The following CEP72 variants were observed in gnomAD, a reference collection of about 807,000 sequenced individuals.
The protein encoded by CEP72 is centrosomal protein 72.
In CEP72, 78 loss-of-function variants were observed where a neutral mutation model predicts 65.7. The ratio of observed to expected loss-of-function variants is 1.19; its 90% CI spans 0.99 to 1.43. CEP72 has a LOEUF of 1.43. Among genes scored for constraint, CEP72 ranks in the 40% most tolerant of loss-of-function variants. The pLI is 0.00. For missense variants in CEP72, 914 were observed against 832.9 expected (o/e 1.10, Z -1.20); for synonymous variants, 358 against 351.7 (o/e 1.02, Z -0.20).
At chr5:612,837 G>A (rs1415865917) in intron 1 of CEP72, among the ~76,000 whole-genome samples, 3 of 152,258 alleles carry the variant, frequency 2.0e-5, no homozygotes, top group Admixed American at 6.5e-5. Context: ...TCTTGAGGAT[G>A]TTGGTGGCCG....
Position 644,315 on chromosome 5 carries a change from A to G in CEP72, c.1556A>G (p.His519Arg), listed in dbSNP as rs148383425. 3.1e-4 allele frequency: 501 copies of G among 1,613,772 alleles called. 2 individuals are homozygous for G. In the African/African-American group the frequency reaches 6.1e-3, roughly 20 times the overall value. The change falls in exon 10 of 12, where the codon CAT becomes CGT. Residue 519 changes from histidine (H) to arginine (R), a missense_variant. Coordinates refer to ENST00000264935, the MANE Select transcript of CEP72 (RefSeq NM_018140.4). Reference sequence around the variant, plus strand: ...TGTCCGCAGGATGATTTGAGACAACATTTAGATAAATCTTTGGAAGAGAAC... The same window carrying G: ...TGTCCGCAGGATGATTTGAGACAACGTTTAGATAAATCTTTGGAAGAGAAC... ...THKELDDLRQ[H>R]LDKSLEENSR...
the CEP72 span, among the ~76,000 whole-genome samples, chr5:673,045 A>G: frequency 2.0e-5 from 3 of 152,188 alleles, no homozygotes; most frequent in Non-Finnish European, 4.4e-5. Flanking sequence ...TGTCAGAGTC[A>G]GCAGCTTTCT....
chr5:619,929 T>G, intron 2 of CEP72, 140 bp from the exon 3 acceptor site: 1 of 701,498 alleles, frequency 1.4e-6, no homozygotes, highest in Non-Finnish European at 2.3e-6. Context: ...ACGTTTCATT[T>G]TTCTACTTTT....
At chr5:613,224 C>G (rs1002296732) in intron 1 of CEP72, among the ~76,000 whole-genome samples, 11 of 152,186 alleles carry the variant, frequency 7.2e-5, no homozygotes, top group East Asian at 1.9e-4. Context: ...GCAGGTGTTA[C>G]TGGACCAACA....
At chr5:668,954 C>T (rs770677678), downstream of CEP72, among the ~76,000 whole-genome samples, 27 of 152,208 alleles carry the variant, frequency 1.8e-4, no homozygotes, top group African/African-American at 6.5e-4. Flanking sequence ...AAGGCGGATG[C>T]TGTGTTTAAA....
Position 613,082 on chromosome 5 carries a change from A to G in CEP72, c.82+639A>G, listed in dbSNP as rs142522635. ...ATCTCTGGTTGTTAGAGAACCGTTCATATTAGTTCACCGCGAGTCTTGGCT... is the reference window on the plus strand; with the variant it reads ...ATCTCTGGTTGTTAGAGAACCGTTCGTATTAGTTCACCGCGAGTCTTGGCT... On this transcript the variant is annotated intron_variant, in intron 1 of 11. Transcript: ENST00000264935. Among the ~76,000 whole-genome samples the G allele has an allele frequency of 2.7e-3, 413 of 152,352 alleles. 2 individuals carry two copies. Among genetic ancestry groups the G allele is most frequent in the African/African-American group, 9.6e-3 (397 of 41,570 alleles).
intron 4 of CEP72, among the ~76,000 whole-genome samples, chr5:629,487 G>C (rs1737067686): frequency 1.5e-5 from 2 of 133,944 alleles, no homozygotes; most frequent in Admixed American, 7.4e-5. Flanking sequence ...GTTCTGTCCA[G>C]TGCCGGGATT....
At chr5:642,682 C>T (rs1454610253) in intron 9 of CEP72, 19 of 985,324 alleles carry the variant, frequency 1.9e-5, no homozygotes, top group Non-Finnish European at 2.0e-5. Flanking sequence ...CTGGACAGAG[C>T]AGCCCTGGTT....
At chr5:648,784 T>G (rs1738643622) in intron 11 of CEP72, among the ~76,000 whole-genome samples, 1 of 116,362 alleles carries the variant, frequency 8.6e-6, no homozygotes, top group Non-Finnish European at 1.7e-5. Flanking sequence ...GGTGTGACTG[T>G]GAGGTGTGAC....
chr5:617,743 T>A (rs2126730560), intron 1 of CEP72, among the ~76,000 whole-genome samples: 1 of 152,254 alleles, frequency 6.6e-6, no homozygotes, highest in East Asian at 1.9e-4. Flanking sequence ...CGTGTCCCTG[T>A]AATCCCAGCT....
chr5:632,859 C>T (rs377752767), intron 4 of CEP72, among the ~76,000 whole-genome samples: 1 of 86,954 alleles, frequency 1.2e-5, no homozygotes, highest in Non-Finnish European at 2.2e-5. Flanking sequence ...TTGGACCAGT[C>T]CTGGTGGGGT....
chr5:650,200 G>A (rs1385229280), intron 11 of CEP72, among the ~76,000 whole-genome samples: 2 of 131,480 alleles, frequency 1.5e-5, no homozygotes, highest in Non-Finnish European at 3.3e-5. Flanking sequence ...ACTGTGAGGC[G>A]TGGACTGTGA....
At chr5:671,888 TC>T (rs953248462), downstream of CEP72, among the ~76,000 whole-genome samples, 3 of 152,038 alleles carry the variant, frequency 2.0e-5, no homozygotes, top group African/African-American at 4.8e-5. Context: ...AGCCCACCCT[TC>T]CCCCGGGCTG....
At chr5:633,284 A>C (rs1737336153) in intron 4 of CEP72, among the ~76,000 whole-genome samples, 1 of 105,036 alleles carries the variant, frequency 9.5e-6, no homozygotes, top group African/African-American at 4.0e-5. Context: ...GATTTAGACC[A>C]GTCCTGGTGG....
At position 641,682 on chromosome 5, in the gene CEP72, G is replaced by A. The variant is rs1279637501; in HGVS notation, c.1539+1078G>A. Reference sequence around the variant, plus strand: ...TGGAAGCCTCTGTATTTAAACACACGTGGGTCCCCATCCCCCGTCCAGAAG... The same window carrying A: ...TGGAAGCCTCTGTATTTAAACACACATGGGTCCCCATCCCCCGTCCAGAAG... On this transcript the variant is annotated intron_variant, in intron 9 of 11. Coordinates refer to ENST00000264935, the MANE Select transcript of CEP72 (RefSeq NM_018140.4). 5.1e-6 allele frequency: 5 copies of A among 984,024 alleles called. No individual in the cohort carries two copies. In the African/African-American group the frequency reaches 7.0e-5, roughly 14 times the overall value. The allele number at this position is 984,024 out of a possible 1,614,324, so 61.0% of individuals were successfully genotyped here. A position where few individuals can be genotyped will look rare whatever the true frequency, so the allele number is the denominator to read the frequency against.
intron 4 of CEP72, among the ~76,000 whole-genome samples, chr5:628,312 A>C (rs1481558891): frequency 6.6e-6 from 1 of 152,238 alleles, no homozygotes; most frequent in East Asian, 1.9e-4. Context: ...CGCACAGAGG[A>C]GGTGGGGGAC....
intron 11 of CEP72, among the ~76,000 whole-genome samples, chr5:651,465 CG>C (rs1739088512): frequency 6.6e-6 from 1 of 151,890 alleles, no homozygotes; most frequent in Non-Finnish European, 1.5e-5. Context: ...GAGAGATGGT[CG>C]GGCACGGCGG....
downstream of CEP72, chr5:656,889 C>G (rs560877753): frequency 6.6e-6 from 1 of 152,292 alleles, no homozygotes; most frequent in South Asian, 2.1e-4. Flanking sequence ...CACCATTTAT[C>G]CACTCACTTG....
intron 11 of CEP72, among the ~76,000 whole-genome samples, chr5:648,951 G>C (rs1423574547): frequency 7.0e-6 from 1 of 142,578 alleles, no homozygotes; most frequent in African/African-American, 2.6e-5. Flanking sequence ...TGTGAGGTGT[G>C]ACCACGAGGC....
Sources: gnomAD v4.1 joint callset for allele counts (sites outside exome capture counted in the v4.1 genomes callset) on GRCh38, gnomAD v4.1.1 for gene constraint, MANE v1.5 for transcripts, NCBI Gene and HGNC (gene_info 2026-07-23, HGNC 2026-07-21) for gene names.